GSTCD: variants seen among roughly 807,000 people sequenced by gnomAD.
GSTCD encodes the protein glutathione S-transferase C-terminal domain-containing protein.
A neutral mutation model predicts 68.3 loss-of-function variants in GSTCD; 44 were observed. The observed-to-expected ratio is 0.64, with a 90% CI of 0.51 to 0.83. The LOEUF is 0.83. Among genes scored for constraint, GSTCD ranks in the 40% least tolerant of loss-of-function variants. The probability of loss-of-function intolerance (pLI) is 0.00; values close to 1 mark genes in which losing one functional copy is unlikely to be tolerated. For missense variants in GSTCD, 739 were observed against 735.9 expected (o/e 1.00, Z -0.05); for synonymous variants, 273 against 255.2 (o/e 1.07, Z -0.67).
At chr4:105,814,719 A>C (rs938598367) in intron 5 of GSTCD, among the ~76,000 whole-genome samples, 1 of 152,194 alleles carries the variant, frequency 6.6e-6, no homozygotes, top group Non-Finnish European at 1.5e-5. Context: ...TCCCAGACTG[A>C]GTCCTTTTTG....
chr4:105,793,408 GT>G lies in GSTCD; in HGVS notation c.1241-29535del, dbSNP rs200682490. Among the ~76,000 whole-genome samples, 229 of 147,478 alleles carry G rather than the reference GT, an allele frequency of 1.6e-3. 3 individuals carry two copies. The highest frequency in any genetic ancestry group is 5.3e-3 in the South Asian group (25 of 4,702). The stretch of plus-strand genomic sequence containing the variant: ...TTTTGGGGTGTGATATCATGATTAT[GT>G]TTTTTTTTTTAAAAAAAATCTTTAT... On this transcript the variant is annotated intron_variant, in intron 5 of 11. Transcript: ENST00000515279.
At chr4:105,809,859 T>A (rs1722685710) in intron 5 of GSTCD, among the ~76,000 whole-genome samples, 1 of 151,978 alleles carries the variant, frequency 6.6e-6, no homozygotes, top group South Asian at 2.1e-4. Flanking sequence ...AGTGAGAAAT[T>A]GTGTTTTTCT....
At chr4:105,776,314 C>T (rs927017286) in intron 5 of GSTCD, among the ~76,000 whole-genome samples, 4 of 152,140 alleles carry the variant, frequency 2.6e-5, no homozygotes, top group Non-Finnish European at 5.9e-5. Context: ...CACTTGGCCC[C>T]CTGGCTTCAA....
intron 5 of GSTCD, among the ~76,000 whole-genome samples, chr4:105,800,176 G>A (rs1167166648): frequency 1.3e-5 from 2 of 152,170 alleles, no homozygotes; most frequent in African/African-American, 4.8e-5. Flanking sequence ...GGCTGGGGAG[G>A]CCTCACAATT....
chr4:105,733,907 G>A (rs1578419670), intron 5 of GSTCD, among the ~76,000 whole-genome samples: 1 of 152,132 alleles, frequency 6.6e-6, no homozygotes, highest in South Asian at 2.1e-4. Context: ...CTCAGCATTT[G>A]CTTGTCTGTA....
chr4:105,769,229 GCGCGCA>G (rs1277650380), intron 5 of GSTCD, among the ~76,000 whole-genome samples: 15 of 53,096 alleles, frequency 2.8e-4, no homozygotes, highest in African/African-American at 4.8e-4. Context: ...TACTATACAC[GCGCGCA>G]CACACACACA....
chr4:105,791,757 TA>T (rs1461292131), intron 5 of GSTCD, among the ~76,000 whole-genome samples: 1 of 148,968 alleles, frequency 6.7e-6, no homozygotes, highest in Non-Finnish European at 1.5e-5. Context: ...ACTAGGTACT[TA>T]AAACTTTTGT....
intron 3 of GSTCD, among the ~76,000 whole-genome samples, chr4:105,723,340 A>G (rs945534038): frequency 2.6e-5 from 4 of 151,800 alleles, no homozygotes; most frequent in East Asian, 1.9e-4. Flanking sequence ...TTCCATATCC[A>G]TTGGTTCTGT....
intron 1 of GSTCD, among the ~76,000 whole-genome samples, chr4:105,716,239 GT>G (rs1214405381): frequency 1.3e-5 from 2 of 152,066 alleles, no homozygotes. Flanking sequence ...AAATAGAAAG[GT>G]TTTTTTCAGG....
At chr4:105,715,782 A>G (rs1278922409) in intron 1 of GSTCD, among the ~76,000 whole-genome samples, 1 of 151,950 alleles carries the variant, frequency 6.6e-6, no homozygotes, top group African/African-American at 2.4e-5. Context: ...CAAGAGGTGC[A>G]TGTGTACTTT....
rs758116257 is a variant in GSTCD, at chr4:105,825,697, TATC to T, written c.1430_1432del (p.Ser477del). The T allele has an allele frequency of 4.0e-6, 6 of 1,509,638 alleles. No homozygotes were observed. The highest frequency in any genetic ancestry group is 2.3e-5 in the East Asian group (1 of 44,108). 93.5% of individuals were successfully genotyped at this position (1,509,638 alleles called of 1,614,324 possible). ...GTTACATTAATAGAAAACAAGGAAT[TATC>T]ATTAATTCGTGCTAAGAAGAGAAGT... On this transcript the variant is annotated inframe_deletion, in exon 8 of 12. Transcript: ENST00000515279.
chr4:105,760,045 T>C (rs1734341601), intron 5 of GSTCD, among the ~76,000 whole-genome samples: 1 of 152,022 alleles, frequency 6.6e-6, no homozygotes, highest in East Asian at 1.9e-4. Flanking sequence ...AGGAAACCTA[T>C]GTGTTCTCTA....
At chr4:105,736,265 C>T (rs1357365691) in intron 5 of GSTCD, among the ~76,000 whole-genome samples, 12 of 151,690 alleles carry the variant, frequency 7.9e-5, no homozygotes, top group Admixed American at 5.3e-4. Flanking sequence ...CCTTATTTTC[C>T]TGTGAGTTTT....
intron 5 of GSTCD, among the ~76,000 whole-genome samples, chr4:105,778,602 A>G (rs1327541389): frequency 6.6e-6 from 1 of 152,132 alleles, no homozygotes; most frequent in Non-Finnish European, 1.5e-5. Context: ...AGAGAAATCT[A>G]TATAAGTGAC....
At chr4:105,841,829 C>T (rs2149288867) in intron 10 of GSTCD, among the ~76,000 whole-genome samples, 1 of 152,048 alleles carries the variant, frequency 6.6e-6, no homozygotes, top group South Asian at 2.1e-4. Flanking sequence ...CCAGCCTGGG[C>T]GACGGCGAGA....
At position 105,757,390 on chromosome 4, in the gene GSTCD, T is replaced by C. The variant is rs1049272373; in HGVS notation, c.1240+27891T>C. Among the ~76,000 whole-genome samples, 3 of 152,228 alleles carry C rather than the reference T, an allele frequency of 2.0e-5. No homozygotes were observed. In the East Asian group the frequency reaches 5.8e-4, roughly 29 times the overall value. ...TCCTACCTTATTGTTTTCACTAATC[T>C]GTTAATACCATCTGGCCAATTATAT... On this transcript the variant is annotated intron_variant, in intron 5 of 11. Transcript: ENST00000515279.
chr4:105,828,217 A>G (rs1291286597), intron 8 of GSTCD, among the ~76,000 whole-genome samples: 1 of 152,256 alleles, frequency 6.6e-6, no homozygotes, highest in Non-Finnish European at 1.5e-5. Context: ...GCTTTTTGCT[A>G]TTTTGCCCAC....
At chr4:105,760,688 G>A (rs1038514561) in intron 5 of GSTCD, among the ~76,000 whole-genome samples, 24 of 152,112 alleles carry the variant, frequency 1.6e-4, no homozygotes, top group African/African-American at 5.6e-4. Context: ...CTTAGTGAGA[G>A]GGAGCAGCAT....
At chr4:105,817,753 T>A (rs1454176131) in intron 5 of GSTCD, among the ~76,000 whole-genome samples, 1 of 151,940 alleles carries the variant, frequency 6.6e-6, no homozygotes, top group Non-Finnish European at 1.5e-5. Context: ...GTTCTTCCAT[T>A]CTAGCTTTTG....
Sources: gnomAD v4.1 joint callset for allele counts (sites outside exome capture counted in the v4.1 genomes callset) on GRCh38, gnomAD v4.1.1 for gene constraint, MANE v1.5 for transcripts, NCBI Gene and HGNC (gene_info 2026-07-23, HGNC 2026-07-21) for gene names.